SMIM8: variants seen among roughly 807,000 people sequenced by gnomAD.
SMIM8 encodes UPF0708 protein C6orf162.
In SMIM8, 8 loss-of-function variants were observed where a neutral mutation model predicts 8.1. The ratio of observed to expected loss-of-function variants is 0.99; its 90% CI spans 0.58 to 1.78. SMIM8 has a LOEUF of 1.78. SMIM8 is among the 40% of genes most tolerant of loss of function. The pLI is 0.00. For synonymous variants in SMIM8, 45 were observed against 39.7 expected, an observed-to-expected ratio of 1.13 and a Z score of -0.50; for missense variants, 126 against 119.8, an observed-to-expected ratio of 1.05 and a Z score of -0.24.
chr6:87,335,314 T>G (rs756614372), intron 2 of SMIM8, among the ~76,000 whole-genome samples: 2 of 152,186 alleles, frequency 1.3e-5, no homozygotes, highest in Non-Finnish European at 2.9e-5. Flanking sequence ...TGGCTACAGA[T>G]AGCAATTTAA....
At chr6:87,336,421 C>T (rs1777114708) in intron 2 of SMIM8, among the ~76,000 whole-genome samples, 1 of 152,152 alleles carries the variant, frequency 6.6e-6, no homozygotes, top group African/African-American at 2.4e-5. Context: ...GCATAACCTA[C>T]CCAGAAAGTT....
intron 1 of SMIM8, among the ~76,000 whole-genome samples, chr6:87,324,797 T>G (rs1328567072): frequency 6.6e-6 from 1 of 152,250 alleles, no homozygotes; most frequent in Admixed American, 6.5e-5. Context: ...CTTTTTCCAA[T>G]TCTATGAAGA....
Position 87,341,631 on chromosome 6 carries a change from T to C in SMIM8, c.*1357T>C. ...GAGTTTATCATAATGTTATTTTTAA[T>C]TTGTCATACTTTATTATGGTTTTGT... On this transcript the variant is annotated 3_prime_UTR_variant, in exon 4 of 4. Coordinates refer to ENST00000392863, the MANE Select transcript of SMIM8 (RefSeq NM_001042493.3). The C allele has an allele frequency of 4.6e-6, 1 of 218,942 alleles. No homozygotes were observed. The highest frequency in any genetic ancestry group is 9.6e-5 in the East Asian group (1 of 10,402). The allele number at this position is 218,942 out of a possible 1,614,324, so 13.6% of individuals were successfully genotyped here.
intron 3 of SMIM8, among the ~76,000 whole-genome samples, chr6:87,339,313 A>G (rs1185352011): frequency 6.9e-6 from 1 of 145,922 alleles, no homozygotes; most frequent in Non-Finnish European, 1.5e-5. Context: ...TAACAACAAC[A>G]ACAAAACACA....
chr6:87,327,370 T>C (rs1776853614), intron 1 of SMIM8, among the ~76,000 whole-genome samples: 1 of 151,958 alleles, frequency 6.6e-6, no homozygotes, highest in Admixed American at 6.6e-5. Flanking sequence ...CAATGGTCTT[T>C]ACATTTTGGC....
intron 2 of SMIM8, among the ~76,000 whole-genome samples, chr6:87,336,282 G>C (rs1033635929): frequency 6.6e-6 from 1 of 152,044 alleles, no homozygotes; most frequent in Non-Finnish European, 1.5e-5. Flanking sequence ...ACCTAGAAGA[G>C]AAAAATACTC....
intron 2 of SMIM8, among the ~76,000 whole-genome samples, chr6:87,332,317 C>G (rs1022371436): frequency 9.8e-6 from 1 of 102,176 alleles, no homozygotes; most frequent in Non-Finnish European, 2.0e-5. Context: ...TCTCCTCCCC[C>G]CCCATATATG....
intron 1 of SMIM8, among the ~76,000 whole-genome samples, chr6:87,324,130 T>C (rs1000805102): frequency 2.0e-5 from 3 of 152,104 alleles, no homozygotes; most frequent in Admixed American, 2.0e-4. Context: ...TCTTTGTTTT[T>C]GTCTTGTAAA....
At chr6:87,327,754 A>T (rs1435580054) in intron 1 of SMIM8, among the ~76,000 whole-genome samples, 1 of 144,292 alleles carries the variant, frequency 6.9e-6, no homozygotes, top group African/African-American at 2.6e-5. Flanking sequence ...CTTCTCGAGG[A>T]GTATCTTTGT....
chr6:87,340,301 T>A lies in SMIM8; in HGVS notation c.*27T>A, dbSNP rs1393680177. On this transcript the variant is annotated 3_prime_UTR_variant, in exon 4 of 4. Transcript: ENST00000392863. The stretch of plus-strand genomic sequence containing the variant: ...AGTGCTGGTTAGTGCAGATGGACCT[T>A]TATTAAAGGTTCTGAAATCTTCAAA... 5.9e-6 allele frequency: 9 copies of A among 1,526,112 alleles called. No individual in the cohort carries two copies. The highest frequency in any genetic ancestry group is 7.0e-6 in the Non-Finnish European group (8 of 1,142,564). The allele number at this position is 1,526,112 out of a possible 1,614,324, so 94.5% of individuals were successfully genotyped here.
At chr6:87,338,795 G>C (rs1036511308) in intron 3 of SMIM8, among the ~76,000 whole-genome samples, 2 of 151,916 alleles carry the variant, frequency 1.3e-5, no homozygotes, top group Non-Finnish European at 2.9e-5. Flanking sequence ...AGACCAACTC[G>C]TTGAGTGTGA....
intron 2 of SMIM8, 33 bp downstream of exon 2, chr6:87,330,745 A>G (rs1311297059): frequency 1.3e-5 from 2 of 152,234 alleles, no homozygotes; most frequent in African/African-American, 4.8e-5. Context: ...GAAACAAATG[A>G]AGCAAATACC....
At chr6:87,333,922 G>A (rs446851) in intron 2 of SMIM8, among the ~76,000 whole-genome samples, 61,337 of 152,012 alleles carry the variant, frequency 0.4, 13,213 homozygotes, top group Non-Finnish European at 0.48. Context: ...ATTGGCTCAC[G>A]GTTCAGCAGG....
At chr6:87,323,629 A>G (rs1199406668) in intron 1 of SMIM8, among the ~76,000 whole-genome samples, 2 of 152,064 alleles carry the variant, frequency 1.3e-5, no homozygotes, top group Non-Finnish European at 2.9e-5. Flanking sequence ...GCTGCATAGT[A>G]TTACATGGTG....
chr6:87,337,272 A>C, intron 3 of SMIM8, 106 bp downstream of exon 3: 2 of 1,267,734 alleles, frequency 1.6e-6, no homozygotes, highest in South Asian at 4.2e-5. Flanking sequence ...TATGTTGACA[A>C]GTAAGACCTC....
chr6:87,333,763 A>C (rs920827102), intron 2 of SMIM8, among the ~76,000 whole-genome samples: 1 of 152,230 alleles, frequency 6.6e-6, no homozygotes, highest in Non-Finnish European at 1.5e-5. Flanking sequence ...CTGTTTTTGC[A>C]TGATATCAGG....
chr6:87,324,034 G>C (rs1047221077), intron 1 of SMIM8, among the ~76,000 whole-genome samples: 5 of 150,126 alleles, frequency 3.3e-5, no homozygotes, highest in African/African-American at 1.2e-4. Context: ...GTGATGGTGA[G>C]CATTTTTTCA....
intron 3 of SMIM8, among the ~76,000 whole-genome samples, chr6:87,338,945 A>T (rs572026214): frequency 2.3e-4 from 30 of 131,720 alleles, no homozygotes; most frequent in Non-Finnish European, 3.5e-4. Context: ...ATCATGACTC[A>T]TGTCTGCAAT....
chr6:87,328,386 T>A (rs1353349368), intron 1 of SMIM8, among the ~76,000 whole-genome samples: 1 of 152,100 alleles, frequency 6.6e-6, no homozygotes, highest in Admixed American at 6.5e-5. Flanking sequence ...TGTGGTTTTA[T>A]CTACTTTTTG....
Sources: allele counts gnomAD v4.1 joint callset (sites outside exome capture counted in the v4.1 genomes callset), GRCh38; gene constraint gnomAD v4.1.1; transcripts MANE v1.5; gene names NCBI Gene and HGNC (gene_info 2026-07-23, HGNC 2026-07-21).